UBE2E1: variants seen among roughly 807,000 people sequenced by gnomAD.
The protein encoded by UBE2E1 is ubiquitin conjugating enzyme E2 E1, also known as ubiquitin-conjugating enzyme E2 E1.
A neutral mutation model predicts 21.4 loss-of-function variants in UBE2E1; 6 were observed. The observed-to-expected ratio is 0.28, with a 90% CI of 0.15 to 0.55. UBE2E1 has a LOEUF of 0.55. Ranked by LOEUF, UBE2E1 falls within the 20% of genes least tolerant of loss-of-function variation. The pLI is 0.93. For missense variants in UBE2E1, 142 were observed against 236.5 expected (o/e 0.60, Z 2.62); for synonymous variants, 87 against 82.7 (o/e 1.05, Z -0.28).
chr3:23,866,163 C>T (rs777351652), intron 3 of UBE2E1: 6 of 152,646 alleles, frequency 3.9e-5, no homozygotes, highest in Non-Finnish European at 7.3e-5. Context: ...CAGCCGGGGC[C>T]AAGAAAGAAG....
intron 3 of UBE2E1, among the ~76,000 whole-genome samples, chr3:23,817,871 T>C (rs1699562703): frequency 6.6e-6 from 1 of 152,182 alleles, no homozygotes. Flanking sequence ...TAAATTTTAT[T>C]ATGTAGATGC....
intron 3 of UBE2E1, among the ~76,000 whole-genome samples, chr3:23,814,998 C>CT (rs983030291): frequency 2.6e-5 from 4 of 151,558 alleles, no homozygotes; most frequent in Non-Finnish European, 3.0e-5. Context: ...TTCTTTCTCA[C>CT]TTTTTTTTTG....
At chr3:23,854,944 A>ATT (rs1339227025) in intron 3 of UBE2E1, among the ~76,000 whole-genome samples, 1 of 152,230 alleles carries the variant, frequency 6.6e-6, no homozygotes, top group Non-Finnish European at 1.5e-5. Flanking sequence ...AGGCTTCAAA[A>ATT]GGCAGATTGT....
chr3:23,812,639 A>G (rs1699424766), intron 3 of UBE2E1, among the ~76,000 whole-genome samples: 2 of 152,236 alleles, frequency 1.3e-5, no homozygotes, highest in African/African-American at 4.8e-5. Flanking sequence ...AAATGCTCTT[A>G]AACTATAGTT....
At chr3:23,815,591 G>A (rs1235003535) in intron 3 of UBE2E1, among the ~76,000 whole-genome samples, 5 of 152,144 alleles carry the variant, frequency 3.3e-5, no homozygotes, top group African/African-American at 1.2e-4. Context: ...TGGTGGTAAT[G>A]GTAATGAGAT....
intron 3 of UBE2E1, among the ~76,000 whole-genome samples, chr3:23,858,879 A>T (rs1700495238): frequency 6.6e-6 from 1 of 152,144 alleles, no homozygotes; most frequent in Non-Finnish European, 1.5e-5. Flanking sequence ...TGCCCATAGG[A>T]AATTTTTATA....
In UBE2E1 at chr3:23,813,873, A is replaced by T. The variant is rs577111760; in HGVS notation, c.203+2363A>T. 1.2e-4 allele frequency among the ~76,000 whole-genome samples: 18 copies of T among 152,356 alleles called. 1 individual carries two copies. The highest frequency in any genetic ancestry group is 2.6e-4 in the Admixed American group (4 of 15,308). On this transcript the variant is annotated intron_variant, in intron 3 of 5. Transcript: ENST00000306627. The stretch of plus-strand genomic sequence containing the variant: ...TACTTTTTGAAGTCAGCGTCCAATG[A>T]AAATCTATGAATTAAGTGATATATT...
chr3:23,888,160 A>ATC, intron 4 of UBE2E1: 1 of 454,614 alleles, frequency 2.2e-6, no homozygotes, highest in South Asian at 1.6e-5. Flanking sequence ...AAACAACTAG[A>ATC]GAATCAGAAT....
At chr3:23,849,703 C>T (rs1262364287) in intron 3 of UBE2E1, among the ~76,000 whole-genome samples, 2 of 152,172 alleles carry the variant, frequency 1.3e-5, no homozygotes, top group African/African-American at 4.8e-5. Flanking sequence ...TTTTTTATGG[C>T]TGCATAGTAT....
chr3:23,849,435 A>C (rs1322600939), intron 3 of UBE2E1, among the ~76,000 whole-genome samples: 1 of 152,168 alleles, frequency 6.6e-6, no homozygotes, highest in Non-Finnish European at 1.5e-5. Flanking sequence ...GATTTGCTGC[A>C]CCTATCAACC....
Position 23,891,207 on chromosome 3 carries a change from G to A in UBE2E1, c.*601G>A, listed in dbSNP as rs919473621. 2.0e-5 allele frequency: 3 copies of A among 152,378 alleles called. No individual in the cohort carries two copies. Among genetic ancestry groups the A allele is most frequent in the African/African-American group, 7.2e-5 (3 of 41,456 alleles). The allele number at this position is 152,378 out of a possible 1,614,324, so 9.4% of individuals were successfully genotyped here. A position where few individuals can be genotyped will look rare whatever the true frequency, so the allele number is the denominator to read the frequency against. ...AAATACCTTAAGCTGTTAACTAACT[G>A]TAAGGCGTGGAATAGGAGTTGCTCA... On this transcript the variant is annotated 3_prime_UTR_variant, in exon 6 of 6. Coordinates refer to ENST00000306627, the MANE Select transcript of UBE2E1 (RefSeq NM_003341.5).
chr3:23,857,899 G>A (rs145139773), intron 3 of UBE2E1, among the ~76,000 whole-genome samples: 248 of 152,292 alleles, frequency 1.6e-3, no homozygotes, highest in African/African-American at 5.5e-3. Context: ...GCCCAGGCTG[G>A]AGTGCAGTGG....
In UBE2E1 at chr3:23,845,753, G is replaced by A. The variant is rs560317331; in HGVS notation, c.203+34243G>A. 1.5e-4 allele frequency among the ~76,000 whole-genome samples: 23 copies of A among 152,052 alleles called. No homozygotes were observed. The South Asian group carries it at 2.3e-3, about 15-fold the overall frequency. ...AGGCCATTTGATCTCTGTTAGAACC[G>A]TTCAACTCTACCCATAGTACAAAAG... On this transcript the variant is annotated intron_variant, in intron 3 of 5. Transcript: ENST00000306627.
At position 23,806,194 on chromosome 3, in the gene UBE2E1, G is replaced by T. The variant is rs1279102997; in HGVS notation, c.-34+106G>T. On this transcript the variant is annotated intron_variant, in intron 1 of 5. Transcript: ENST00000306627. This position sits in a 1 kb window ranked among gnomAD's most constrained non-coding sequence, Gnocchi z 6.5. ...CTCGCGCCGCCGGGGCCGCCGGGCC[G>T]CAGGGCACGGGGCCGGCGCGGGGGG... 1 of 147,590 alleles carries T rather than the reference G, an allele frequency of 6.8e-6. No homozygotes were observed. Among genetic ancestry groups the T allele is most frequent in the Non-Finnish European group, 1.5e-5 (1 of 66,328 alleles). 9.1% of individuals were successfully genotyped at this position (147,590 alleles called of 1,614,324 possible).
At position 23,864,796 on chromosome 3, in the gene UBE2E1, C is replaced by T. The variant is rs72627042; in HGVS notation, c.204-22771C>T. ...AGTTAGAAAGGTCTTTCCTCTGAGT[C>T]GCTCATATTCCCCAGAAGAGACTGC... On this transcript the variant is annotated intron_variant, in intron 3 of 5. Coordinates refer to ENST00000306627, the MANE Select transcript of UBE2E1 (RefSeq NM_003341.5). Among the ~76,000 whole-genome samples, 847 of 152,294 alleles carry T rather than the reference C, an allele frequency of 5.6e-3. 17 individuals are homozygous for T. The highest frequency in any genetic ancestry group is 0.054 in the South Asian group (262 of 4,822).
chr3:23,817,533 T>C (rs1444016019), intron 3 of UBE2E1, among the ~76,000 whole-genome samples: 2 of 151,820 alleles, frequency 1.3e-5, no homozygotes, highest in African/African-American at 2.4e-5. Flanking sequence ...CTTGGAAATA[T>C]AAATATTATT....
intron 3 of UBE2E1, among the ~76,000 whole-genome samples, chr3:23,884,192 T>A (rs1212832679): frequency 6.6e-6 from 1 of 151,472 alleles, no homozygotes; most frequent in East Asian, 1.9e-4. Context: ...TCTACTTTTT[T>A]CTGAACTTTC....
intron 3 of UBE2E1, among the ~76,000 whole-genome samples, chr3:23,833,721 G>A (rs543430952): frequency 6.6e-6 from 1 of 152,368 alleles, no homozygotes; most frequent in African/African-American, 2.4e-5. Context: ...AAGTGGCTGG[G>A]CGTGATGGCT....
chr3:23,814,772 C>T (rs910733302), intron 3 of UBE2E1, among the ~76,000 whole-genome samples: 11 of 152,144 alleles, frequency 7.2e-5, no homozygotes, highest in Non-Finnish European at 1.5e-4. Flanking sequence ...CCTGTAGACA[C>T]GAATATCTGT....
Sources: gnomAD v4.1 joint callset for allele counts (sites outside exome capture counted in the v4.1 genomes callset) on GRCh38, gnomAD v4.1.1 for gene constraint, Gnocchi (gnomAD v3.1) non-coding constraint, MANE v1.5 for transcripts, NCBI Gene and HGNC (gene_info 2026-07-23, HGNC 2026-07-21) for gene names.